PAN3: variants seen among roughly 807,000 people sequenced by gnomAD.
PAN3 encodes poly(A) specific ribonuclease subunit PAN3.
A neutral mutation model predicts 96.2 loss-of-function variants in PAN3; 19 were observed. That is an observed-to-expected ratio of 0.20 (90% confidence interval 0.14 to 0.29). The LOEUF (loss-of-function observed/expected upper bound fraction) is 0.29. PAN3 is among the 10% of genes least tolerant of loss of function. The pLI, the probability that PAN3 is intolerant of heterozygous loss-of-function variation, is 1.00. For synonymous variants in PAN3, 433 were observed against 406.6 expected (o/e 1.06, Z -0.78); for missense variants, 882 against 1,108.1 (o/e 0.80, Z 2.90).
At chr13:28,239,852 A>C in intron 6 of PAN3, 1 of 359,138 alleles carries the variant, frequency 2.8e-6, no homozygotes, top group Non-Finnish European at 5.2e-6. Context: ...TTATTGTCAA[A>C]CTTCTTTAAA....
intron 1 of PAN3, among the ~76,000 whole-genome samples, chr13:28,151,655 C>T (rs1871379424): frequency 1.3e-5 from 2 of 152,104 alleles, no homozygotes; most frequent in Admixed American, 6.6e-5. Flanking sequence ...AGATTTCAGA[C>T]ATGTTTTCCA....
rs776461410 is a variant in PAN3 at position 28,256,435 on chromosome 13, C to G, written c.1144C>G (p.Pro382Ala). Reference sequence around the variant, plus strand: ...TAGTGCCTCTACATCTGTTAATAATCCTGTTTCTCAGACTCCGTCTTCTGG... The same window carrying G: ...TAGTGCCTCTACATCTGTTAATAATGCTGTTTCTCAGACTCCGTCTTCTGG... ...PSSASTSVNN[P>A]VSQTPSSGQV... Residue 382 changes from proline to alanine, a missense_variant, in exon 7 of 19, where the codon CCT becomes GCT. By Grantham distance (27) the Pro-to-Ala change is conservative. Transcript: ENST00000380958. The G allele has an allele frequency of 1.2e-6, 2 of 1,613,928 alleles. No homozygotes were observed. The highest frequency in any genetic ancestry group is 1.3e-5 in the African/African-American group (1 of 74,928).
At chr13:28,187,538 TG>T (rs1384987729) in intron 4 of PAN3, among the ~76,000 whole-genome samples, 1 of 152,164 alleles carries the variant, frequency 6.6e-6, no homozygotes, top group Non-Finnish European at 1.5e-5. Flanking sequence ...AAAATCCCTT[TG>T]TAACACTGAG....
chr13:28,239,876 A>G (rs1032473561), intron 6 of PAN3: 35 of 316,926 alleles, frequency 1.1e-4, no homozygotes, highest in African/African-American at 7.2e-4. Context: ...GATAAATTTT[A>G]CTGCTTTTTT....
At chr13:28,244,186 T>C (rs1883957737) in intron 6 of PAN3, among the ~76,000 whole-genome samples, 1 of 152,212 alleles carries the variant, frequency 6.6e-6, no homozygotes, top group South Asian at 2.1e-4. Flanking sequence ...AGCCCTTTAT[T>C]AAGTGTTGCA....
At chr13:28,211,181 G>A (rs866587292) in intron 5 of PAN3, among the ~76,000 whole-genome samples, 8 of 152,034 alleles carry the variant, frequency 5.3e-5, no homozygotes, top group African/African-American at 1.7e-4. Flanking sequence ...GATTACAGGT[G>A]TGAGCGGCCA....
chr13:28,275,829 C>A (rs1887011253), intron 14 of PAN3, among the ~76,000 whole-genome samples: 1 of 152,126 alleles, frequency 6.6e-6, no homozygotes, highest in Admixed American at 6.5e-5. Context: ...ATCTTTGAAT[C>A]TTTTCTAATA....
At chr13:28,215,144 G>C in intron 5 of PAN3, 1 of 739,978 alleles carries the variant, frequency 1.4e-6, no homozygotes. Flanking sequence ...ACATGCCTTG[G>C]TTCAAGGGAT....
chr13:28,196,031 T>G (rs897849858), intron 4 of PAN3, among the ~76,000 whole-genome samples: 4 of 151,270 alleles, frequency 2.6e-5, no homozygotes, highest in Non-Finnish European at 5.9e-5. Context: ...TTTTTGTTTT[T>G]TTTTTTTTAA....
Position 28,138,850 on chromosome 13 carries a change from C to G in PAN3, c.193C>G (p.Gln65Glu). 1 of 1,423,272 alleles carries G rather than the reference C, an allele frequency of 7.0e-7. No homozygotes were observed. The highest frequency in any genetic ancestry group is 1.5e-5 in the South Asian group (1 of 65,284). 88.2% of individuals were successfully genotyped at this position (1,423,272 alleles called of 1,614,324 possible). A position where few individuals can be genotyped will look rare whatever the true frequency, so the allele number is the denominator to read the frequency against. ...GACTTGCTTCTACGGGGAGGAGTGT[C>G]AGTTCCTGCATGAGGACCCTGCCGC... ...DKTCFYGEEC[Q>E]FLHEDPAAGA... is the part of the protein sequence containing the mutation. Residue 65 changes from glutamine (Q) to glutamate (E), a missense_variant, in exon 1 of 19, where the codon CAG becomes GAG. Coordinates refer to ENST00000380958, the MANE Select transcript of PAN3 (RefSeq NM_175854.8).
intron 1 of PAN3, among the ~76,000 whole-genome samples, chr13:28,143,872 G>A (rs1449181784): frequency 1.3e-5 from 2 of 152,142 alleles, no homozygotes; most frequent in Admixed American, 6.5e-5. Context: ...GTAATGTGTA[G>A]CGTGTGGCAA....
intron 1 of PAN3, among the ~76,000 whole-genome samples, chr13:28,171,039 G>A (rs1344904306): frequency 1.3e-5 from 2 of 151,960 alleles, no homozygotes; most frequent in East Asian, 1.9e-4. Context: ...CAGGCGATCC[G>A]CCCGCCTTGG....
intron 1 of PAN3, among the ~76,000 whole-genome samples, chr13:28,151,607 T>C (rs946171341): frequency 4.6e-5 from 7 of 152,160 alleles, no homozygotes; most frequent in Non-Finnish European, 8.8e-5. Context: ...GATGGTGGTT[T>C]AGGCAGGTTA....
intron 6 of PAN3, among the ~76,000 whole-genome samples, chr13:28,221,685 A>G (rs45617933): frequency 0.035 from 5,305 of 151,962 alleles, 281 homozygotes; most frequent in African/African-American, 0.12. Flanking sequence ...CTCCCCTCCC[A>G]CCACTTGTTC....
At position 28,280,397 on chromosome 13, in the gene PAN3, T is replaced by A; in HGVS notation, c.2190-15T>A. The A allele has an allele frequency of 6.3e-7, 1 of 1,594,926 alleles. No homozygotes were observed. The highest frequency in any genetic ancestry group is 8.5e-7 in the Non-Finnish European group (1 of 1,172,126). On this transcript the variant is annotated splice_polypyrimidine_tract_variant and intron_variant, in intron 15 of 18. Transcript: ENST00000380958. ...ATGTTGGACATCCAAGTAATTCCTC[T>A]TTTATCTTGGGTAGGTATTTGTTGA...
intron 18 of PAN3, among the ~76,000 whole-genome samples, chr13:28,289,608 G>A (rs573006955): frequency 1.4e-4 from 22 of 152,212 alleles, no homozygotes; most frequent in Admixed American, 5.2e-4. Context: ...AAGGCTAGGC[G>A]CAGTAGCTCG....
intron 1 of PAN3, among the ~76,000 whole-genome samples, chr13:28,144,741 C>T (rs61950180): frequency 5.6e-5 from 5 of 89,486 alleles, no homozygotes; most frequent in East Asian, 9.3e-4. Flanking sequence ...TTTTTTTTTC[C>T]TCAGAGCCTC....
rs148127638 is a variant in PAN3, at chr13:28,263,903, C to G, written c.1411+2445C>G. Among the ~76,000 whole-genome samples, 451 of 152,180 alleles carry G rather than the reference C, an allele frequency of 3.0e-3. 2 individuals are homozygous for G. Among genetic ancestry groups the G allele is most frequent in the African/African-American group, 9.9e-3 (412 of 41,530 alleles). The stretch of plus-strand genomic sequence containing the variant: ...ATATCCATGAGTACTTTACATGATT[C>G]ATCAGTATGCACACAATTTTCAACT... On this transcript the variant is annotated intron_variant, in intron 9 of 18. Coordinates refer to ENST00000380958, the MANE Select transcript of PAN3 (RefSeq NM_175854.8).
intron 6 of PAN3, among the ~76,000 whole-genome samples, chr13:28,229,386 A>G (rs575966413): frequency 1.3e-5 from 2 of 152,272 alleles, no homozygotes; most frequent in Admixed American, 6.5e-5. Context: ...ATATTTTCCA[A>G]AATTTTTCCA....
Sources: allele counts gnomAD v4.1 joint callset (sites outside exome capture counted in the v4.1 genomes callset), GRCh38; gene constraint gnomAD v4.1.1; transcripts MANE v1.5; gene names NCBI Gene and HGNC (gene_info 2026-07-23, HGNC 2026-07-21).